Variants in SLC44A3 observed in about 807,000 individuals in gnomAD.
SLC44A3 encodes solute carrier family 44 member 3.
A neutral mutation model predicts 75.4 loss-of-function variants in SLC44A3; 74 were observed. The observed-to-expected ratio is 0.98, with a 90% CI of 0.81 to 1.19. SLC44A3 has a LOEUF of 1.19. Among genes scored for constraint, SLC44A3 ranks in the 50% most tolerant of loss-of-function variants. The pLI is 0.00. For synonymous variants in SLC44A3, 310 were observed against 296.9 expected (o/e 1.04, Z -0.45); for missense variants, 700 against 778.6 (o/e 0.90, Z 1.20).
chr1:94,827,205 A>G (rs1194435226), intron 3 of SLC44A3, among the ~76,000 whole-genome samples: 1 of 152,260 alleles, frequency 6.6e-6, no homozygotes, highest in East Asian at 1.9e-4. Context: ...ATCAATGGAC[A>G]GTTTAACCAA....
At chr1:94,873,640 C>T (rs1319812617) in intron 12 of SLC44A3, among the ~76,000 whole-genome samples, 2 of 152,154 alleles carry the variant, frequency 1.3e-5, no homozygotes, top group Admixed American at 6.5e-5. Flanking sequence ...CCGCCCCTTT[C>T]CTTGCAGTTA....
intron 9 of SLC44A3, among the ~76,000 whole-genome samples, chr1:94,848,261 G>A (rs1408828440): frequency 6.6e-6 from 1 of 151,284 alleles, no homozygotes; most frequent in Non-Finnish European, 1.5e-5. Context: ...CTTCAAGTTT[G>A]CTCAGAATGA....
At chr1:94,870,975 G>T (rs1010690021) in intron 12 of SLC44A3, among the ~76,000 whole-genome samples, 1 of 152,160 alleles carries the variant, frequency 6.6e-6, no homozygotes, top group Non-Finnish European at 1.5e-5. Context: ...GCCACCATTC[G>T]TGGCCAGTTG....
chr1:94,877,140 T>G (rs973685392), intron 12 of SLC44A3, among the ~76,000 whole-genome samples: 1 of 150,946 alleles, frequency 6.6e-6, no homozygotes, highest in African/African-American at 2.4e-5. Context: ...AAAAAAAAGG[T>G]CGGGGGCAGA....
At chr1:94,845,229 C>T (rs1664250549) in intron 8 of SLC44A3, 49 bp from the exon 9 acceptor site, 2 of 1,535,666 alleles carry the variant, frequency 1.3e-6, no homozygotes, top group South Asian at 1.3e-5. Flanking sequence ...AAGCTCTACC[C>T]AGTTCTCCAT....
At chr1:94,864,497 CT>C (rs1161959481) in intron 10 of SLC44A3, among the ~76,000 whole-genome samples, 1 of 152,142 alleles carries the variant, frequency 6.6e-6, no homozygotes, top group Non-Finnish European at 1.5e-5. Flanking sequence ...AAGAGGGAAA[CT>C]TTTTTAACTC....
chr1:94,820,813 A>T, intron 1 of SLC44A3, 136 bp from the exon 2 acceptor site: 1 of 1,298,996 alleles, frequency 7.7e-7, no homozygotes, highest in Non-Finnish European at 1.0e-6. Flanking sequence ...GTGGCCACGT[A>T]AAAAAATAAT....
At chr1:94,828,453 C>A in intron 4 of SLC44A3, 40 bp from the exon 5 acceptor site, 1 of 1,555,190 alleles carries the variant, frequency 6.4e-7, no homozygotes, top group Admixed American at 1.7e-5. Context: ...TACTGACTCA[C>A]CTGGAAAGAA....
intron 9 of SLC44A3, 123 bp from the exon 10 acceptor site, chr1:94,857,212 C>G: frequency 1.0e-6 from 1 of 957,362 alleles, no homozygotes; most frequent in Non-Finnish European, 1.5e-6. Flanking sequence ...ATGGTGGGTA[C>G]TTGATTTTGG....
At chr1:94,894,763 G>A (rs17112707) in intron 14 of SLC44A3, 55 bp from the exon 15 acceptor site, 33,118 of 1,470,204 alleles carry the variant, frequency 0.023, 709 homozygotes, top group African/African-American at 0.11. Flanking sequence ...CGGCCCCTAC[G>A]TTATCAACAG....
intron 7 of SLC44A3, among the ~76,000 whole-genome samples, chr1:94,840,283 CTTTTTTTTTTT>C (rs56383271): frequency 1.3e-5 from 1 of 77,360 alleles, no homozygotes; most frequent in Non-Finnish European, 2.3e-5. Context: ...TTTCTTTTTC[CTTTTTTTTTTT>C]TTTTTTTTTT....
intron 10 of SLC44A3, among the ~76,000 whole-genome samples, chr1:94,864,467 T>G (rs763628325): frequency 9.8e-5 from 15 of 152,296 alleles, no homozygotes; most frequent in Non-Finnish European, 1.9e-4. Context: ...AAAGGGTTGG[T>G]GGATGGGCTC....
intron 12 of SLC44A3, among the ~76,000 whole-genome samples, chr1:94,890,248 T>C (rs1670059759): frequency 1.3e-5 from 2 of 152,230 alleles, no homozygotes; most frequent in Non-Finnish European, 2.9e-5. Context: ...TTCACTATTT[T>C]CTTAGTACCT....
intron 12 of SLC44A3, among the ~76,000 whole-genome samples, chr1:94,884,285 G>A (rs1034706614): frequency 2.8e-5 from 2 of 71,062 alleles, no homozygotes; most frequent in Non-Finnish European, 4.2e-5. Context: ...GAAGGGATCT[G>A]AACGGTGAAT....
At position 94,820,414 on chromosome 1, in the gene SLC44A3, G is replaced by C; in HGVS notation, c.-38G>C. 2 of 1,449,154 alleles carry C rather than the reference G, an allele frequency of 1.4e-6. No individual in the cohort carries two copies. The highest frequency in any genetic ancestry group is 5.1e-5 in the Admixed American group (2 of 39,256). The allele number at this position is 1,449,154 out of a possible 1,614,324, so 89.8% of individuals were successfully genotyped here. A position where few individuals can be genotyped will look rare whatever the true frequency, so the allele number is the denominator to read the frequency against. ...GCGTCTCCGCGTACAGGAGGCGGCG[G>C]CGGCTCCCAGTCACCGGCCCCCGCC... On this transcript the variant is annotated 5_prime_UTR_variant, in exon 1 of 15. Transcript: ENST00000271227.
intron 10 of SLC44A3, among the ~76,000 whole-genome samples, chr1:94,859,244 C>T (rs1286547172): frequency 6.6e-6 from 1 of 152,154 alleles, no homozygotes; most frequent in East Asian, 1.9e-4. Flanking sequence ...TCAATGAGGA[C>T]TTCTAATTTG....
Position 94,868,377 on chromosome 1 carries a change from T to G in SLC44A3, c.1482+960T>G, listed in dbSNP as rs183338455. Among the ~76,000 whole-genome samples the G allele has an allele frequency of 3.2e-3, 481 of 152,362 alleles. 1 individual carries two copies. The highest frequency in any genetic ancestry group is 0.011 in the African/African-American group (454 of 41,582). On this transcript the variant is annotated intron_variant, in intron 12 of 14. Transcript: ENST00000271227. ...TGTTTAATGTCTTTTAAGGGGTATT[T>G]AGAATACTTTTCATTATTCAGGGAA...
chr1:94,836,167 A>G (rs757038150), intron 5 of SLC44A3, among the ~76,000 whole-genome samples: 1 of 152,222 alleles, frequency 6.6e-6, no homozygotes, highest in Non-Finnish European at 1.5e-5. Context: ...ATTGCACAAA[A>G]TGATTGGTGA....
chr1:94,864,737 T>A lies in SLC44A3; in HGVS notation c.1239-6T>A, dbSNP rs1288116090. The A allele has an allele frequency of 6.2e-7, 1 of 1,611,824 alleles. No individual in the cohort carries two copies. Among genetic ancestry groups the A allele is most frequent in the Admixed American group, 1.7e-5 (1 of 59,566 alleles). On this transcript the variant is annotated splice_region_variant and splice_polypyrimidine_tract_variant and intron_variant, in intron 10 of 14. Transcript: ENST00000271227. The stretch of plus-strand genomic sequence containing the variant: ...TTTAAAATGCTATCCTTTTCCCTAT[T>A]TCCAGAAGTAAAAATGATCCTCCTG...
Sources: allele counts gnomAD v4.1 joint callset (sites outside exome capture counted in the v4.1 genomes callset), GRCh38; gene constraint gnomAD v4.1.1; transcripts MANE v1.5; gene names NCBI Gene and HGNC (gene_info 2026-07-23, HGNC 2026-07-21).